The following GOLIM4 variants were observed in gnomAD, a reference collection of about 807,000 sequenced individuals.
GOLIM4 encodes golgi integral membrane protein 4.
Under a neutral mutation model 107.4 loss-of-function variants are expected in GOLIM4, and 71 were observed. The observed-to-expected ratio is 0.66, with a 90% confidence interval of 0.55 to 0.81. GOLIM4 has a LOEUF of 0.81. Ranked by LOEUF, GOLIM4 falls within the 30% of genes least tolerant of loss-of-function variation. The probability of loss-of-function intolerance (pLI) is 0.00; values close to 1 mark genes in which losing one functional copy is unlikely to be tolerated. For missense variants in GOLIM4, 830 were observed against 826.1 expected (o/e 1.00, Z -0.06); for synonymous variants, 327 against 294.8 (o/e 1.11, Z -1.12).
intron 1 of GOLIM4, among the ~76,000 whole-genome samples, chr3:168,079,140 TAAAAG>T (rs748262316): frequency 3.3e-5 from 5 of 152,100 alleles, no homozygotes; most frequent in Non-Finnish European, 5.9e-5. Context: ...AAAAAAGAGT[TAAAAG>T]AACTAGAGCA....
intron 1 of GOLIM4, among the ~76,000 whole-genome samples, chr3:168,076,269 T>C (rs1342229597): frequency 6.6e-6 from 1 of 152,272 alleles, no homozygotes; most frequent in East Asian, 1.9e-4. Context: ...AAGCATTACA[T>C]ATGTTCACCA....
chr3:168,075,327 C>A (rs1479319421), intron 1 of GOLIM4, among the ~76,000 whole-genome samples: 1 of 116,704 alleles, frequency 8.6e-6, no homozygotes, highest in East Asian at 2.7e-4. Flanking sequence ...GACGGAGTCT[C>A]GCTCTGTCGC....
At chr3:168,034,825 T>C (rs1718547473) in intron 8 of GOLIM4, among the ~76,000 whole-genome samples, 1 of 152,212 alleles carries the variant, frequency 6.6e-6, no homozygotes, top group Non-Finnish European at 1.5e-5. Context: ...GGAGTTACCC[T>C]GCACAAGCTC....
intron 6 of GOLIM4, 40 bp from the exon 7 acceptor site, chr3:168,040,909 C>A (rs1362557040): frequency 7.6e-7 from 1 of 1,311,384 alleles, no homozygotes; most frequent in South Asian, 1.2e-5. Context: ...CTTTAACATT[C>A]TACGACAAAT....
Position 168,043,262 on chromosome 3 carries a change from A to G in GOLIM4, c.517+117T>C. ...ATTACAAAGAAAAAGTGACTGGTAA[A>G]GGACCACATGATAAATGTAAATCGA... On this transcript the variant is annotated intron_variant, in intron 5 of 15. Transcript: ENST00000470487. 4.3e-6 allele frequency: 3 copies of G among 704,328 alleles called. No homozygotes were observed. In the Admixed American group the frequency reaches 9.6e-5, roughly 22 times the overall value. The allele number at this position is 704,328 out of a possible 1,614,324, so 43.6% of individuals were successfully genotyped here.
intron 1 of GOLIM4, among the ~76,000 whole-genome samples, chr3:168,050,866 T>A (rs1030449715): frequency 7.0e-6 from 1 of 142,318 alleles, no homozygotes; most frequent in African/African-American, 2.6e-5. Flanking sequence ...ATAATAATAA[T>A]AATAAAACCT....
At chr3:168,081,824 AT>A (rs1352686644) in intron 1 of GOLIM4, among the ~76,000 whole-genome samples, 2 of 152,198 alleles carry the variant, frequency 1.3e-5, no homozygotes, top group African/African-American at 2.4e-5. Context: ...TTACTAAGAA[AT>A]TACTAATGGA....
In GOLIM4 at chr3:168,095,179, A is replaced by G. The variant is rs756206744; in HGVS notation, c.107T>C (p.Leu36Pro). Residue 36 changes from leucine (L) to proline (P), a missense_variant, in exon 1 of 16, where the codon CTG becomes CCG. Coordinates refer to ENST00000470487, the MANE Select transcript of GOLIM4 (RefSeq NM_014498.5). ...CTCGGCTTTCCGCAGCTGCGTCTGC[A>G]GCTCGTAGTAGAGCATCGCGCCGTA... ...FLYGAMLYYE[L>P]QTQLRKAEAV... The G allele has an allele frequency of 6.2e-7, 1 of 1,613,330 alleles. No individual in the cohort carries two copies. Among genetic ancestry groups the G allele is most frequent in the Admixed American group, 1.7e-5 (1 of 60,018 alleles).
At chr3:168,061,767 A>C (rs1239184185) in intron 1 of GOLIM4, among the ~76,000 whole-genome samples, 4 of 152,216 alleles carry the variant, frequency 2.6e-5, no homozygotes, top group African/African-American at 9.6e-5. Flanking sequence ...TGATGATAGA[A>C]GACAAGATAC....
intron 8 of GOLIM4, among the ~76,000 whole-genome samples, chr3:168,036,309 G>A (rs904271920): frequency 1.3e-5 from 2 of 152,358 alleles, no homozygotes; most frequent in East Asian, 1.9e-4. Flanking sequence ...GGGAAGCCAA[G>A]GCGGGCGGAT....
At chr3:168,015,612 G>T (rs1412479463) in intron 14 of GOLIM4, among the ~76,000 whole-genome samples, 11 of 136,480 alleles carry the variant, frequency 8.1e-5, no homozygotes, top group Non-Finnish European at 1.2e-4. Context: ...AACAAAGCCG[G>T]AGGCATCACA....
rs756117493 is a variant in GOLIM4 at position 168,095,316 on chromosome 3, C to T, written c.-31G>A. 17 of 1,595,010 alleles carry T rather than the reference C, an allele frequency of 1.1e-5. No homozygotes were observed. Among genetic ancestry groups the T allele is most frequent in the Admixed American group, 5.1e-5 (3 of 58,760 alleles). ...CGCCTGGACCCAAAGCCGCGGCCGCCCCCGCCGTCTCCTCCCCTTGGTCCG... is the reference window on the plus strand; with the variant it reads ...CGCCTGGACCCAAAGCCGCGGCCGCTCCCGCCGTCTCCTCCCCTTGGTCCG... On this transcript the variant is annotated 5_prime_UTR_variant, in exon 1 of 16. Transcript: ENST00000470487.
At chr3:168,011,020 A>T (rs9827289) in intron 14 of GOLIM4, among the ~76,000 whole-genome samples, 197 bp from the exon 15 acceptor site, 41,572 of 152,220 alleles carry the variant, frequency 0.27, 7,313 homozygotes, top group Non-Finnish European at 0.39. Flanking sequence ...ACTAGGTGTG[A>T]AGAAATGTAT....
At chr3:168,073,675 G>A (rs1442789439) in intron 1 of GOLIM4, among the ~76,000 whole-genome samples, 4 of 152,130 alleles carry the variant, frequency 2.6e-5, no homozygotes, top group African/African-American at 9.7e-5. Flanking sequence ...TAGGATAATG[G>A]GATAGACAGT....
rs556951793 is a variant in GOLIM4, at chr3:168,061,762, A to T, written c.188-13397T>A. ...GCACGAGTGAAACTAATCTCTGATG[A>T]TAGAAGACAAGATACTATTCACACT... On this transcript the variant is annotated intron_variant, in intron 1 of 15. Transcript: ENST00000470487. Among the ~76,000 whole-genome samples the T allele has an allele frequency of 2.0e-5, 3 of 152,346 alleles. No homozygotes were observed. The South Asian group carries it at 6.2e-4, about 32-fold the overall frequency.
rs1156449847 is a variant in GOLIM4, at chr3:168,024,901, C to T, written c.1791+27G>A. On this transcript the variant is annotated intron_variant, in intron 13 of 15. Transcript: ENST00000470487. ...GTTTCTTAAAATAGCCCAGTTAAATCCACCCTTCCTCGTGGCATCTGCTTA... is the reference window on the plus strand; with the variant it reads ...GTTTCTTAAAATAGCCCAGTTAAATTCACCCTTCCTCGTGGCATCTGCTTA... 2.5e-6 allele frequency: 4 copies of T among 1,596,406 alleles called. No individual in the cohort carries two copies. In the Admixed American group the frequency reaches 5.0e-5, roughly 20 times the overall value.
At position 168,040,843 on chromosome 3, in the gene GOLIM4, C is replaced by A; in HGVS notation, c.627G>T (p.Glu209Asp). ...CCAAAGTCACTACAAGTTGTTCATG[C>A]TCGGAGAGTAAATTCTTATGCTGTT... ...VKQQHKNLLS[E>D]HEQLVVTLED... is the part of the protein sequence containing the mutation. Residue 209 changes from glutamate (E) to aspartate (D), a missense_variant, in exon 7 of 16, where the codon GAG becomes GAT. Coordinates refer to ENST00000470487, the MANE Select transcript of GOLIM4 (RefSeq NM_014498.5). 6.2e-7 allele frequency: 1 copy of A among 1,612,628 alleles called. No homozygotes were observed.
At chr3:168,033,581 T>C (rs1483941577) in intron 8 of GOLIM4, among the ~76,000 whole-genome samples, 6 of 107,892 alleles carry the variant, frequency 5.6e-5, no homozygotes, top group Non-Finnish European at 8.4e-5. Context: ...CACTCCAGCC[T>C]GGGCGACAGA....
intron 7 of GOLIM4, 125 bp downstream of exon 7, chr3:168,040,661 A>T (rs1386968773): frequency 1.7e-6 from 1 of 577,588 alleles, no homozygotes; most frequent in East Asian, 2.8e-5. Context: ...GATCCTCAGG[A>T]TTAGGATAGC....
Sources: gnomAD v4.1 joint callset for allele counts (sites outside exome capture counted in the v4.1 genomes callset) on GRCh38, gnomAD v4.1.1 for gene constraint, MANE v1.5 for transcripts, NCBI Gene and HGNC (gene_info 2026-07-23, HGNC 2026-07-21) for gene names.